GPATCH1: variants seen among roughly 807,000 people sequenced by gnomAD.
The protein encoded by GPATCH1 is G-patch domain containing 1.
Under a neutral mutation model 114.9 loss-of-function variants are expected in GPATCH1, and 73 were observed. That is an observed-to-expected ratio of 0.64 (90% confidence interval 0.53 to 0.77). GPATCH1 has a LOEUF of 0.77. Ranked by LOEUF, GPATCH1 falls within the 30% of genes least tolerant of loss-of-function variation. The pLI is 0.00. For synonymous variants in GPATCH1, 391 were observed against 428.4 expected, an observed-to-expected ratio of 0.91 and a Z score of 1.08; for missense variants, 1,058 against 1,144.3, an observed-to-expected ratio of 0.92 and a Z score of 1.09.
At chr19:33,114,863 C>T (rs1972899491) in intron 15 of GPATCH1, among the ~76,000 whole-genome samples, 1 of 122,746 alleles carries the variant, frequency 8.1e-6, no homozygotes, top group African/African-American at 3.3e-5. Context: ...AGTGCAGTGG[C>T]ATGATTTCGG....
At chr19:33,124,876 C>T (rs936644731) in intron 17 of GPATCH1, among the ~76,000 whole-genome samples, 10 of 152,068 alleles carry the variant, frequency 6.6e-5, no homozygotes, top group Non-Finnish European at 1.0e-4. Context: ...GATTGGATCA[C>T]ACAGGTCTTT....
In GPATCH1 at chr19:33,109,964, A is replaced by G; in HGVS notation, c.1533A>G (p.Glu511=). Residue 511 remains glutamate, a synonymous_variant, in exon 11 of 20, where the codon GAA becomes GAG. Coordinates refer to ENST00000170564, the MANE Select transcript of GPATCH1 (RefSeq NM_018025.3). The stretch of plus-strand genomic sequence containing the variant: ...TCAAGCCTTTCGCCAAAGATCCGGA[A>G]AAGCAAAAGCGATACGACGAGTTCT... ...SNFKPFAKDP[E]KQKRYDEFLV... is the part of the protein sequence containing the mutation. 1 of 1,614,040 alleles carries G rather than the reference A, an allele frequency of 6.2e-7. No homozygotes were observed. Among genetic ancestry groups the G allele is most frequent in the Non-Finnish European group, 8.5e-7 (1 of 1,179,982 alleles).
At chr19:33,110,811 T>C (rs1196521737) in intron 11 of GPATCH1, among the ~76,000 whole-genome samples, 1 of 151,822 alleles carries the variant, frequency 6.6e-6, no homozygotes, top group Non-Finnish European at 1.5e-5. Context: ...TTATGTTTGG[T>C]AGACAGAATT....
chr19:33,083,686 C>A (rs1008266539), intron 1 of GPATCH1, among the ~76,000 whole-genome samples: 1 of 151,516 alleles, frequency 6.6e-6, no homozygotes, highest in African/African-American at 2.4e-5. Flanking sequence ...TGAGCCATTG[C>A]ATGTGGCCCC....
In GPATCH1 at chr19:33,125,160, C is replaced by A. The variant is rs770968741; in HGVS notation, c.2577C>A (p.Asp859Glu). Residue 859 changes from aspartate (D) to glutamate (E), a missense_variant, in exon 18 of 20, where the codon GAC becomes GAA. By Grantham distance (45) the Asp-to-Glu change is conservative. Transcript: ENST00000170564. ...PQKEKHKKNK[D>E]KHKAKKEHRR... ...AAGAGAAACATAAAAAGAACAAAGACAAGCACAAGGCCAAGAAAGAGCACA... is the reference window on the plus strand; with the variant it reads ...AAGAGAAACATAAAAAGAACAAAGAAAAGCACAAGGCCAAGAAAGAGCACA... 1 of 1,598,534 alleles carries A rather than the reference C, an allele frequency of 6.3e-7. No homozygotes were observed. The highest frequency in any genetic ancestry group is 8.5e-7 in the Non-Finnish European group (1 of 1,172,240).
At chr19:33,084,788 G>A (rs192677361) in intron 1 of GPATCH1, among the ~76,000 whole-genome samples, 2 of 151,988 alleles carry the variant, frequency 1.3e-5, no homozygotes, top group East Asian at 3.9e-4. Flanking sequence ...AGCCTCTTGA[G>A]TAGCTGAGCT....
intron 1 of GPATCH1, among the ~76,000 whole-genome samples, chr19:33,087,032 C>T (rs1184806855): frequency 6.6e-6 from 1 of 151,986 alleles, no homozygotes; most frequent in East Asian, 1.9e-4. Context: ...ACTTCATAGG[C>T]ATTTAATTTG....
intron 7 of GPATCH1, among the ~76,000 whole-genome samples, chr19:33,097,007 G>A (rs1453054684): frequency 6.7e-6 from 1 of 150,098 alleles, no homozygotes; most frequent in Non-Finnish European, 1.5e-5. Flanking sequence ...GTGCAATGGC[G>A]CGATCTCGGC....
intron 5 of GPATCH1, among the ~76,000 whole-genome samples, chr19:33,094,848 C>T (rs1368606512): frequency 6.6e-6 from 1 of 152,086 alleles, no homozygotes. Flanking sequence ...CACATTACTG[C>T]TAGGTAGGGC....
chr19:33,099,054 T>C (rs1247860503), intron 8 of GPATCH1, among the ~76,000 whole-genome samples: 1 of 148,774 alleles, frequency 6.7e-6, no homozygotes, highest in Non-Finnish European at 1.5e-5. Context: ...TAATATATCA[T>C]AATATACTAT....
At chr19:33,093,556 C>T (rs369607590) in intron 4 of GPATCH1, 37 bp downstream of exon 4, 75 of 1,572,682 alleles carry the variant, frequency 4.8e-5, no homozygotes, top group South Asian at 5.7e-5. Context: ...ATCTTAGCAC[C>T]GGTGTTTTGC....
intron 8 of GPATCH1, 49 bp from the exon 9 acceptor site, chr19:33,101,446 A>G (rs772176322): frequency 9.8e-7 from 1 of 1,019,314 alleles, no homozygotes; most frequent in South Asian, 1.3e-5. Flanking sequence ...GTTCTGTCTT[A>G]TTCTAATCAT....
chr19:33,128,973 T>G (rs1973072842), intron 19 of GPATCH1, among the ~76,000 whole-genome samples: 1 of 152,040 alleles, frequency 6.6e-6, no homozygotes, highest in Admixed American at 6.6e-5. Context: ...TTAGGCCAGG[T>G]GCGGTATCTC....
At chr19:33,128,323 C>T (rs1171964006) in intron 19 of GPATCH1, among the ~76,000 whole-genome samples, 6 of 152,090 alleles carry the variant, frequency 3.9e-5, no homozygotes, top group South Asian at 4.1e-4. Flanking sequence ...TGCAGTGGCG[C>T]GATCTTGGCT....
chr19:33,105,167 T>G (rs113135967), intron 9 of GPATCH1, among the ~76,000 whole-genome samples: 1 of 152,040 alleles, frequency 6.6e-6, no homozygotes, highest in Non-Finnish European at 1.5e-5. Flanking sequence ...CGTGGTGGCT[T>G]ACGCCTGTAA....
At chr19:33,090,446 C>T (rs1302092311) in intron 2 of GPATCH1, among the ~76,000 whole-genome samples, 1 of 152,152 alleles carries the variant, frequency 6.6e-6, no homozygotes, top group Non-Finnish European at 1.5e-5. Flanking sequence ...GGTTGCTGGT[C>T]TCACGTCCTG....
In GPATCH1 at chr19:33,112,476, C is replaced by T. The variant is rs1972867131; in HGVS notation, c.1765-10C>T. The T allele has an allele frequency of 3.1e-6, 5 of 1,613,764 alleles. No homozygotes were observed. The South Asian group carries it at 3.3e-5, about 11-fold the overall frequency. On this transcript the variant is annotated splice_polypyrimidine_tract_variant and intron_variant, in intron 12 of 19. Coordinates refer to ENST00000170564, the MANE Select transcript of GPATCH1 (RefSeq NM_018025.3). Reference sequence around the variant, plus strand: ...CCACTTGATGGAACAGAATGCATGTCTTTTTCCAGAATGATGTCGGGGATA... The same window carrying T: ...CCACTTGATGGAACAGAATGCATGTTTTTTTCCAGAATGATGTCGGGGATA...
In GPATCH1 at chr19:33,118,005, G is replaced by A; in HGVS notation, c.2377G>A (p.Asp793Asn). 1 of 1,613,662 alleles carries A rather than the reference G, an allele frequency of 6.2e-7. No homozygotes were observed. The highest frequency in any genetic ancestry group is 1.1e-5 in the South Asian group (1 of 91,036). The change falls in exon 16 of 20, where the codon GAC becomes AAC. Residue 793 changes from aspartate (D) to asparagine (N), a missense_variant. Physicochemically the swap from Asp to Asn is conservative, Grantham distance 23. This residue lies in a region of GPATCH1 where 893 missense variants were observed against 977.4 expected (regional missense o/e 0.91). Transcript: ENST00000170564. ...GGAGGCCAACTTCCAAAGCTCCCAA[G>A]ACACTGACTTGGGGGAAACATCATC... is the stretch of plus-strand genomic sequence containing the variant. ...SGEANFQSSQ[D>N]TDLGETSSVA...
At chr19:33,118,159 T>C in intron 16 of GPATCH1, 118 bp downstream of exon 16, 1 of 611,460 alleles carries the variant, frequency 1.6e-6, no homozygotes, top group Admixed American at 3.2e-5. Flanking sequence ...TGATATGTAA[T>C]CTTTTATATG....
Sources: gnomAD v4.1 joint callset for allele counts (sites outside exome capture counted in the v4.1 genomes callset) on GRCh38, gnomAD v4.1.1 for gene constraint, gnomAD v4.1.1 regional missense constraint, MANE v1.5 for transcripts, NCBI Gene and HGNC (gene_info 2026-07-23, HGNC 2026-07-21) for gene names.